Variants in PLCB4 observed in about 807,000 individuals in gnomAD.
The protein encoded by PLCB4 is phospholipase C beta 4, also known as 1-phosphatidylinositol 4,5-bisphosphate phosphodiesterase beta-4.
Under a neutral mutation model 178.8 loss-of-function variants are expected in PLCB4, and 77 were observed. The observed-to-expected ratio is 0.43, with a 90% CI of 0.36 to 0.52. PLCB4 has a LOEUF of 0.52. Ranked by LOEUF, PLCB4 falls within the 20% of genes least tolerant of loss-of-function variation. PLCB4 has a pLI of 0.00. For synonymous variants in PLCB4, 496 were observed against 490.8 expected (o/e 1.01, Z -0.14); for missense variants, 1,024 against 1,453.4 (o/e 0.70, Z 4.80).
chr20:9,346,866 T>C (rs971589034), intron 7 of PLCB4, among the ~76,000 whole-genome samples: 1 of 152,206 alleles, frequency 6.6e-6, no homozygotes, highest in Non-Finnish European at 1.5e-5. Flanking sequence ...ACATGGGCTG[T>C]GGTCATCAGA....
At chr20:9,118,670 A>G (rs2091862637) in intron 2 of PLCB4, among the ~76,000 whole-genome samples, 2 of 152,160 alleles carry the variant, frequency 1.3e-5, no homozygotes, top group Admixed American at 6.6e-5. Flanking sequence ...GAACAGAACA[A>G]TGCCTGAGAC....
intron 4 of PLCB4, among the ~76,000 whole-genome samples, chr20:9,308,998 T>G (rs1348198709): frequency 6.6e-6 from 1 of 152,172 alleles, no homozygotes; most frequent in Non-Finnish European, 1.5e-5. Context: ...CTAGTCTTTT[T>G]TCATATTTGT....
At chr20:9,453,305 T>C (rs1414087489) in intron 32 of PLCB4, 42 bp from the exon 33 acceptor site, 1 of 1,149,882 alleles carries the variant, frequency 8.7e-7, no homozygotes, top group East Asian at 2.3e-5. Context: ...GTGTGAGCCA[T>C]GCTAAGAGTC....
intron 3 of PLCB4, among the ~76,000 whole-genome samples, chr20:9,219,580 G>A (rs1347279660): frequency 6.6e-6 from 1 of 152,192 alleles, no homozygotes; most frequent in Non-Finnish European, 1.5e-5. Flanking sequence ...TGGAGCCCCA[G>A]ATGTCACCTG....
At chr20:9,226,766 G>A (rs1325463000) in intron 3 of PLCB4, among the ~76,000 whole-genome samples, 1 of 152,140 alleles carries the variant, frequency 6.6e-6, no homozygotes, top group African/African-American at 2.4e-5. Context: ...CAAGTAGAAA[G>A]GAATTAAGAG....
At chr20:9,194,700 A>C (rs901560854) in intron 2 of PLCB4, among the ~76,000 whole-genome samples, 2 of 151,308 alleles carry the variant, frequency 1.3e-5, no homozygotes, top group African/African-American at 4.9e-5. Flanking sequence ...CTCAAAAAAA[A>C]AAAAAAAAAA....
In PLCB4 at chr20:9,372,412, C is replaced by T; in HGVS notation, c.686+9C>T. ...GATCTTTTCAAAAAAATGTAAGTTC[C>T]ACTTATGAGGAAGTGCCATATAAAT... On this transcript the variant is annotated intron_variant, in intron 11 of 39. Coordinates refer to ENST00000378473, the MANE Select transcript of PLCB4 (RefSeq NM_001377142.1). 7.3e-7 allele frequency: 1 copy of T among 1,377,614 alleles called. No individual in the cohort carries two copies. The highest frequency in any genetic ancestry group is 1.2e-5 in the South Asian group (1 of 83,486). The allele number at this position is 1,377,614 out of a possible 1,614,324, so 85.3% of individuals were successfully genotyped here.
In PLCB4 at chr20:9,458,277, T is replaced by C. The variant is rs180942423; in HGVS notation, c.3072+788T>C. On this transcript the variant is annotated intron_variant, in intron 34 of 39. Transcript: ENST00000378473. The stretch of plus-strand genomic sequence containing the variant: ...TGGTAGCTGTATGTTTTGTAGGGCA[T>C]GAACTCTATAGAGGCAGTAAGGCAT... Among the ~76,000 whole-genome samples the C allele has an allele frequency of 3.4e-3, 519 of 152,290 alleles. 1 individual carries two copies. The highest frequency in any genetic ancestry group is 0.012 in the African/African-American group (494 of 41,560).
At chr20:9,317,342 A>G (rs1313956116) in intron 4 of PLCB4, among the ~76,000 whole-genome samples, 2 of 152,200 alleles carry the variant, frequency 1.3e-5, no homozygotes, top group Non-Finnish European at 2.9e-5. Context: ...TGCTGCATAC[A>G]TAACAGACTG....
At chr20:9,325,220 C>G (rs926920195) in intron 4 of PLCB4, among the ~76,000 whole-genome samples, 1 of 152,148 alleles carries the variant, frequency 6.6e-6, no homozygotes, top group Non-Finnish European at 1.5e-5. Context: ...AAGGGGACAG[C>G]CACATAATGT....
chr20:9,240,823 G>A (rs1032030829), intron 3 of PLCB4, among the ~76,000 whole-genome samples: 1 of 152,030 alleles, frequency 6.6e-6, no homozygotes, highest in African/African-American at 2.4e-5. Flanking sequence ...AAGGAGAGAG[G>A]GGGAGATGAG....
At chr20:9,256,984 G>A (rs1212195427) in intron 3 of PLCB4, among the ~76,000 whole-genome samples, 1 of 152,094 alleles carries the variant, frequency 6.6e-6, no homozygotes, top group African/African-American at 2.4e-5. Flanking sequence ...TTCTCATGGA[G>A]GATGATTCCA....
chr20:9,261,289 G>A (rs1031452681), intron 3 of PLCB4, among the ~76,000 whole-genome samples: 8 of 151,848 alleles, frequency 5.3e-5, no homozygotes, highest in Admixed American at 2.6e-4. Flanking sequence ...ATATATGTGC[G>A]TGTGCATTGA....
chr20:9,411,664 A>C (rs1602483331), intron 25 of PLCB4, among the ~76,000 whole-genome samples: 2 of 152,160 alleles, frequency 1.3e-5, no homozygotes, highest in African/African-American at 4.8e-5. Flanking sequence ...GGAAATGTTA[A>C]TTCTACAGAA....
intron 32 of PLCB4, among the ~76,000 whole-genome samples, chr20:9,448,181 A>C (rs1851330935): frequency 6.6e-6 from 1 of 152,178 alleles, no homozygotes; most frequent in Admixed American, 6.5e-5. Flanking sequence ...GCCTGCAAAG[A>C]CACTTATCAA....
intron 2 of PLCB4, among the ~76,000 whole-genome samples, chr20:9,201,134 T>C (rs563884614): frequency 7.9e-5 from 12 of 152,204 alleles, no homozygotes; most frequent in Non-Finnish European, 1.5e-4. Flanking sequence ...AAATCTTCCT[T>C]GGAACAGCTA....
intron 30 of PLCB4, among the ~76,000 whole-genome samples, chr20:9,442,484 GTAGGTTCCTTT>G (rs975127196): frequency 2.6e-5 from 4 of 151,434 alleles, no homozygotes; most frequent in Admixed American, 1.3e-4. Context: ...TTATGTTTTT[GTAGGTTCCTTT>G]TAATCAAGAC....
At chr20:9,197,546 G>A (rs562558724) in intron 2 of PLCB4, among the ~76,000 whole-genome samples, 145 of 152,258 alleles carry the variant, frequency 9.5e-4, no homozygotes, top group Non-Finnish European at 1.4e-3. Flanking sequence ...GTCGAATGTG[G>A]CAACTAAAAA....
intron 2 of PLCB4, among the ~76,000 whole-genome samples, chr20:9,186,528 A>C (rs2093331173): frequency 6.6e-6 from 1 of 152,164 alleles, no homozygotes; most frequent in African/African-American, 2.4e-5. Flanking sequence ...GGGTGTTTTA[A>C]TTTTTTGAAG....
Sources: allele counts gnomAD v4.1 joint callset (sites outside exome capture counted in the v4.1 genomes callset), GRCh38; gene constraint gnomAD v4.1.1; transcripts MANE v1.5; gene names NCBI Gene and HGNC (gene_info 2026-07-23, HGNC 2026-07-21).